The following GPR176 variants were observed in gnomAD, a reference collection of about 807,000 sequenced individuals.
GPR176 encodes the protein G-protein coupled receptor 176.
Under a neutral mutation model 35.4 loss-of-function variants are expected in GPR176, and 26 were observed. That is an observed-to-expected ratio of 0.74 (90% CI 0.54 to 1.02). The LOEUF is 1.02. Among genes scored for constraint, GPR176 ranks in the 50% least tolerant of loss-of-function variants. The pLI, the probability that GPR176 is intolerant of heterozygous loss-of-function variation, is 0.00. For synonymous variants in GPR176, 278 were observed against 271.3 expected (o/e 1.02, Z -0.24); for missense variants, 597 against 665.3 (o/e 0.90, Z 1.13).
chr15:39,841,179 T>A (rs1308428942), intron 1 of GPR176, among the ~76,000 whole-genome samples: 1 of 152,142 alleles, frequency 6.6e-6, no homozygotes, highest in Non-Finnish European at 1.5e-5. Context: ...TTATTAAGGA[T>A]GAATCCTGCT....
At chr15:39,817,068 C>CTCAAAAAAAAAAAAAA (rs1899958220) in intron 1 of GPR176, among the ~76,000 whole-genome samples, 1 of 77,294 alleles carries the variant, frequency 1.3e-5, no homozygotes, top group African/African-American at 5.8e-5. Flanking sequence ...GATTCTGTCT[C>CTCAAAAAAAAAAAAAA]AAAAAAAAAA....
At chr15:39,827,424 T>A (rs1439779183) in intron 1 of GPR176, among the ~76,000 whole-genome samples, 1 of 152,158 alleles carries the variant, frequency 6.6e-6, no homozygotes, top group Non-Finnish European at 1.5e-5. Context: ...TTAGTTGATA[T>A]CAGTGTGGAG....
At chr15:39,873,694 C>A (rs1324435679) in intron 1 of GPR176, among the ~76,000 whole-genome samples, 2 of 150,918 alleles carry the variant, frequency 1.3e-5, no homozygotes, top group South Asian at 2.1e-4. Context: ...TCCTAGTAGA[C>A]CAACCAAGTG....
intron 1 of GPR176, among the ~76,000 whole-genome samples, chr15:39,882,171 T>C (rs1360175227): frequency 6.6e-6 from 1 of 152,062 alleles, no homozygotes; most frequent in African/African-American, 2.4e-5. Flanking sequence ...ACAAAACAAA[T>C]AAAGATTATT....
At chr15:39,847,240 C>CA (rs71309405) in intron 1 of GPR176, among the ~76,000 whole-genome samples, 46,925 of 151,794 alleles carry the variant, frequency 0.31, 7,944 homozygotes, top group Non-Finnish European at 0.39. Flanking sequence ...AAACAGAAAA[C>CA]AAAAAATAAA....
At chr15:39,863,162 C>T (rs1047836493) in intron 1 of GPR176, among the ~76,000 whole-genome samples, 7 of 151,202 alleles carry the variant, frequency 4.6e-5, no homozygotes, top group African/African-American at 1.5e-4. Flanking sequence ...TGGGTTCATG[C>T]CATTCTCCTG....
intron 1 of GPR176, among the ~76,000 whole-genome samples, chr15:39,851,963 G>A (rs1324402937): frequency 2.0e-5 from 3 of 152,124 alleles, no homozygotes; most frequent in Non-Finnish European, 4.4e-5. Context: ...TGAACAGTCT[G>A]CTTTTGGTAT....
chr15:39,851,322 A>G (rs529175940), intron 1 of GPR176, among the ~76,000 whole-genome samples: 5 of 152,338 alleles, frequency 3.3e-5, no homozygotes, highest in Non-Finnish European at 4.4e-5. Context: ...TAAAAAGTCC[A>G]AAAACAAGAA....
intron 1 of GPR176, among the ~76,000 whole-genome samples, chr15:39,911,811 T>C (rs2033585218): frequency 6.6e-6 from 1 of 152,218 alleles, no homozygotes; most frequent in Admixed American, 6.5e-5. Context: ...ACAATTTTAG[T>C]AGAATCAAAC....
intron 1 of GPR176, among the ~76,000 whole-genome samples, chr15:39,852,614 A>G (rs903912634): frequency 3.3e-5 from 5 of 152,240 alleles, no homozygotes; most frequent in African/African-American, 4.8e-5. Flanking sequence ...TCTCTTGCCC[A>G]AACACTGCTG....
In GPR176 at chr15:39,800,850, C is replaced by T. The variant is rs1272835155; in HGVS notation, c.*282G>A. On this transcript the variant is annotated 3_prime_UTR_variant, in exon 3 of 3. Transcript: ENST00000561100. ...TCAGAAAGTGCACATGGGGTACCCA[C>T]CTCAAGACCCATTCAAAACTGCCCA... 1.9e-5 allele frequency: 7 copies of T among 361,626 alleles called. 1 individual carries two copies. The highest frequency in any genetic ancestry group is 1.3e-4 in the Admixed American group (3 of 22,366). 22.4% of individuals were successfully genotyped at this position (361,626 alleles called of 1,614,324 possible).
chr15:39,808,937 GT>G (rs1899362696), intron 1 of GPR176, among the ~76,000 whole-genome samples: 1 of 152,156 alleles, frequency 6.6e-6, no homozygotes, highest in Non-Finnish European at 1.5e-5. Context: ...TAACAGGCAC[GT>G]TGGTACAGTT....
rs191149975 is a variant in GPR176 at position 39,886,688 on chromosome 15, T to C, written c.172+33167A>G. Among the ~76,000 whole-genome samples, 20 of 152,342 alleles carry C rather than the reference T, an allele frequency of 1.3e-4. No homozygotes were observed. The East Asian group carries it at 2.5e-3, about 19-fold the overall frequency. ...CCTTTGTAAATTATTATGCAAATGT[T>C]CCGGTTCCATAATATAACATTAGGA... On this transcript the variant is annotated intron_variant, in intron 1 of 2. Coordinates refer to ENST00000561100, the MANE Select transcript of GPR176 (RefSeq NM_007223.3).
At chr15:39,814,554 G>T (rs893922706) in intron 1 of GPR176, among the ~76,000 whole-genome samples, 1 of 152,160 alleles carries the variant, frequency 6.6e-6, no homozygotes, top group East Asian at 1.9e-4. Context: ...ACTTCTAGAA[G>T]AATTAATTTT....
intron 1 of GPR176, among the ~76,000 whole-genome samples, chr15:39,897,478 CTA>C (rs1370760677): frequency 6.6e-6 from 1 of 152,164 alleles, no homozygotes; most frequent in Non-Finnish European, 1.5e-5. Flanking sequence ...AGTTTTAAGT[CTA>C]TGAATGCCTC....
At chr15:39,802,682 G>A (rs763635483) in intron 2 of GPR176, among the ~76,000 whole-genome samples, 1 of 152,204 alleles carries the variant, frequency 6.6e-6, no homozygotes, top group Non-Finnish European at 1.5e-5. Flanking sequence ...GGCTAAAGAA[G>A]CTTTAGGGCA....
At chr15:39,879,040 G>A (rs1301686612) in intron 1 of GPR176, among the ~76,000 whole-genome samples, 1 of 152,214 alleles carries the variant, frequency 6.6e-6, no homozygotes, top group Non-Finnish European at 1.5e-5. Flanking sequence ...ATTACTGAGA[G>A]GTTACTGAGT....
intron 1 of GPR176, among the ~76,000 whole-genome samples, chr15:39,907,028 G>A (rs2033441545): frequency 6.6e-6 from 1 of 152,212 alleles, no homozygotes; most frequent in South Asian, 2.1e-4. Context: ...GAAATAAACA[G>A]AGTGATGTGA....
At chr15:39,812,777 T>C (rs1899658883) in intron 1 of GPR176, among the ~76,000 whole-genome samples, 1 of 151,364 alleles carries the variant, frequency 6.6e-6, no homozygotes, top group Non-Finnish European at 1.5e-5. Context: ...GGTCTTGCTC[T>C]GTTGCCCAGT....
Sources: allele counts gnomAD v4.1 joint callset (sites outside exome capture counted in the v4.1 genomes callset), GRCh38; gene constraint gnomAD v4.1.1; transcripts MANE v1.5; gene names NCBI Gene and HGNC (gene_info 2026-07-23, HGNC 2026-07-21).